Variants in SLF1 observed in about 807,000 individuals in gnomAD.
The protein encoded by SLF1 is SMC5-SMC6 complex localization factor protein 1.
Under a neutral mutation model 123.0 loss-of-function variants are expected in SLF1, and 105 were observed. The observed-to-expected ratio is 0.85, with a 90% confidence interval of 0.73 to 1.00. The LOEUF is 1.00. Ranked by LOEUF, SLF1 falls within the 50% of genes least tolerant of loss-of-function variation. The probability of loss-of-function intolerance (pLI) is 0.00; values close to 1 mark genes in which losing one functional copy is unlikely to be tolerated. For missense variants in SLF1, 1,239 were observed against 1,223.0 expected (o/e 1.01, Z -0.20); for synonymous variants, 434 against 406.6 (o/e 1.07, Z -0.81).
chr5:94,650,800 C>A (rs1419451649), intron 6 of SLF1, among the ~76,000 whole-genome samples: 1 of 151,962 alleles, frequency 6.6e-6, no homozygotes, highest in Non-Finnish European at 1.5e-5. Flanking sequence ...TAATGAGAAG[C>A]TTTTTTGAGT....
In SLF1 at chr5:94,651,730, A is replaced by G; in HGVS notation, c.767A>G (p.Asn256Ser). Residue 256 changes from asparagine to serine, a missense_variant, in exon 7 of 21, where the codon AAT (asparagine) becomes AGT (serine). Coordinates refer to ENST00000265140, the MANE Select transcript of SLF1 (RefSeq NM_032290.4). Reference protein sequence around the residue: ...QKEMQNHEDVNVGSILIQHHK... With the variant: ...QKEMQNHEDVSVGSILIQHHK... ...GAAATGCAAAATCATGAAGATGTTA[A>G]TGTTGGTTCTATTTTGATTCAACAT... is the stretch of plus-strand genomic sequence containing the variant. The G allele has an allele frequency of 6.6e-7, 1 of 1,522,176 alleles. No individual in the cohort carries two copies. The highest frequency in any genetic ancestry group is 1.4e-5 in the African/African-American group (1 of 71,306). The allele number at this position is 1,522,176 out of a possible 1,614,324, so 94.3% of individuals were successfully genotyped here.
At chr5:94,623,971 T>TA (rs1792018419) in intron 1 of SLF1, among the ~76,000 whole-genome samples, 1 of 152,178 alleles carries the variant, frequency 6.6e-6, no homozygotes, top group Admixed American at 6.5e-5. Context: ...TCATGTGCTG[T>TA]AAAAAAGCAT....
chr5:94,634,977 A>G (rs987497489), intron 4 of SLF1, among the ~76,000 whole-genome samples: 4 of 152,156 alleles, frequency 2.6e-5, no homozygotes, highest in Admixed American at 2.0e-4. Flanking sequence ...ATTATCTCCT[A>G]TTCCACAGGT....
intron 13 of SLF1, 65 bp from the exon 14 acceptor site, chr5:94,670,778 G>A (rs1378204629): frequency 1.7e-6 from 2 of 1,177,742 alleles, no homozygotes; most frequent in Admixed American, 2.5e-5. Context: ...TGACAGGAGA[G>A]ATGTCAAGTA....
At chr5:94,657,202 G>A (rs1250202536) in intron 9 of SLF1, among the ~76,000 whole-genome samples, 1 of 151,608 alleles carries the variant, frequency 6.6e-6, no homozygotes, top group African/African-American at 2.4e-5. Context: ...GTGCCTTTTA[G>A]CACTGCTTTT....
At position 94,686,564 on chromosome 5, in the gene SLF1, G is replaced by A. The variant is rs765803433; in HGVS notation, c.1976-9G>A. ...CAATAACTATATTAACTTACCTTAT[G>A]TTCTCCAGACTTTTCTTCACAGGAA... is the stretch of plus-strand genomic sequence containing the variant. On this transcript the variant is annotated splice_polypyrimidine_tract_variant and intron_variant, in intron 15 of 20. Coordinates refer to ENST00000265140, the MANE Select transcript of SLF1 (RefSeq NM_032290.4). The A allele has an allele frequency of 8.7e-6, 14 of 1,612,668 alleles. No individual in the cohort carries two copies. In the South Asian group the frequency reaches 1.4e-4, roughly 16 times the overall value.
At chr5:94,633,015 C>T (rs748834613) in intron 4 of SLF1, among the ~76,000 whole-genome samples, 1 of 150,782 alleles carries the variant, frequency 6.6e-6, no homozygotes, top group Admixed American at 6.6e-5. Context: ...TTTGAGGTAG[C>T]GTTTTGCTCT....
intron 15 of SLF1, among the ~76,000 whole-genome samples, chr5:94,679,794 A>G (rs1452853853): frequency 7.9e-5 from 12 of 152,174 alleles, no homozygotes; most frequent in Non-Finnish European, 1.8e-4. Flanking sequence ...AAGAAACATG[A>G]TAGCAGAACT....
intron 11 of SLF1, among the ~76,000 whole-genome samples, chr5:94,665,535 G>T (rs753110342): frequency 6.6e-6 from 1 of 152,192 alleles, no homozygotes; most frequent in African/African-American, 2.4e-5. Context: ...CAGATCACAA[G>T]GTCGGGAGTT....
intron 4 of SLF1, among the ~76,000 whole-genome samples, chr5:94,634,707 C>A (rs79042382): frequency 0.042 from 6,430 of 152,162 alleles, 256 homozygotes; most frequent in East Asian, 0.21. Context: ...AATACCAGGG[C>A]TCCCTTTTCT....
chr5:94,679,132 T>G (rs893798216), intron 15 of SLF1, among the ~76,000 whole-genome samples, 177 bp downstream of exon 15: 1 of 152,190 alleles, frequency 6.6e-6, no homozygotes, highest in Non-Finnish European at 1.5e-5. Context: ...AGATTTAAAG[T>G]ACCCATATTG....
intron 15 of SLF1, among the ~76,000 whole-genome samples, chr5:94,680,031 T>G (rs67831380): frequency 0.22 from 33,826 of 152,086 alleles, 3,881 homozygotes; most frequent in East Asian, 0.34. Flanking sequence ...TATAAAAGAT[T>G]ATTTTTATAT....
At position 94,628,866 on chromosome 5, in the gene SLF1, AAAAAGAAGCGCTAGTCAAATT is replaced by A; in HGVS notation, c.58_78del (p.Lys20_Leu26del). On this transcript the variant is annotated inframe_deletion, in exon 2 of 21. Transcript: ENST00000265140. The stretch of plus-strand genomic sequence containing the variant: ...CAGATGACAGGATTTAAGATGGAAG[AAAAAGAAGCGCTAGTCAAATT>A]ACTTTTAAAACTAGATTGCACTTTT... 1.3e-6 allele frequency: 2 copies of A among 1,550,506 alleles called. No individual in the cohort carries two copies. Among genetic ancestry groups the A allele is most frequent in the Non-Finnish European group, 1.7e-6 (2 of 1,146,540 alleles).
At chr5:94,653,482 A>T (rs1207845464) in intron 8 of SLF1, 61 bp downstream of exon 8, 94 of 1,319,862 alleles carry the variant, frequency 7.1e-5, no homozygotes, top group Non-Finnish European at 2.0e-6. Context: ...CTCTGATATA[A>T]TCTAGATATA....
Position 94,692,069 on chromosome 5 carries a change from T to C in SLF1, c.2513-5T>C. On this transcript the variant is annotated splice_polypyrimidine_tract_variant and splice_region_variant and intron_variant, in intron 19 of 20. Coordinates refer to ENST00000265140, the MANE Select transcript of SLF1 (RefSeq NM_032290.4). ...TTTTAAAACTTGCCTTGATTTCTAA[T>C]TTAGACAATGCTGGCTGGACGCCTT... The C allele has an allele frequency of 6.2e-7, 1 of 1,612,840 alleles. No individual in the cohort carries two copies. The highest frequency in any genetic ancestry group is 8.5e-7 in the Non-Finnish European group (1 of 1,179,354).
intron 1 of SLF1, among the ~76,000 whole-genome samples, chr5:94,628,394 C>T (rs1744833129): frequency 6.6e-6 from 1 of 151,596 alleles, no homozygotes; most frequent in Non-Finnish European, 1.5e-5. Context: ...GCCTCGGCCT[C>T]CCAAAGTGCT....
At chr5:94,689,290 T>C (rs6876465) in intron 17 of SLF1, among the ~76,000 whole-genome samples, 183 bp from the exon 18 acceptor site, 349 of 152,260 alleles carry the variant, frequency 2.3e-3, no homozygotes, top group African/African-American at 8.2e-3. Flanking sequence ...AAAAGAAAAT[T>C]AGTGCACTGA....
rs749902137 is a variant in SLF1 at position 94,618,762 on chromosome 5, G to A, written c.-4G>A. On this transcript the variant is annotated 5_prime_UTR_variant, in exon 1 of 21. Coordinates refer to ENST00000265140, the MANE Select transcript of SLF1 (RefSeq NM_032290.4). ...CCGAAGGAAGCATCCCAGACACCGGGAAGGTAAAGGGGCTCAGCTAGGAAG... is the reference window on the plus strand; with the variant it reads ...CCGAAGGAAGCATCCCAGACACCGGAAAGGTAAAGGGGCTCAGCTAGGAAG... 5.8e-5 allele frequency: 9 copies of A among 154,844 alleles called. No homozygotes were observed. The highest frequency in any genetic ancestry group is 1.2e-4 in the Non-Finnish European group (8 of 68,274). 9.6% of individuals were successfully genotyped at this position (154,844 alleles called of 1,614,324 possible). A position where few individuals can be genotyped will look rare whatever the true frequency, so the allele number is the denominator to read the frequency against.
At chr5:94,651,320 A>G (rs148173017) in intron 6 of SLF1, among the ~76,000 whole-genome samples, 25 of 152,338 alleles carry the variant, frequency 1.6e-4, no homozygotes, top group African/African-American at 5.8e-4. Context: ...TAAGCAGTGC[A>G]TGACTGTATA....
Sources: gnomAD v4.1 joint callset for allele counts (sites outside exome capture counted in the v4.1 genomes callset) on GRCh38, gnomAD v4.1.1 for gene constraint, MANE v1.5 for transcripts, NCBI Gene and HGNC (gene_info 2026-07-23, HGNC 2026-07-21) for gene names.